Variants in HNRNPM observed in about 807,000 individuals in gnomAD.
HNRNPM encodes the protein heterogeneous nuclear ribonucleoprotein M, also known as CEA receptor.
HNRNPM carries 11 observed loss-of-function variants against 73.1 expected under a neutral mutation model. The observed-to-expected ratio is 0.15, with a 90% CI of 0.09 to 0.25. HNRNPM has a LOEUF of 0.25. Ranked by LOEUF, HNRNPM falls within the 10% of genes least tolerant of loss-of-function variation. The pLI is 1.00. For missense variants in HNRNPM, 789 were observed against 1,067.9 expected (o/e 0.74, Z 3.64); for synonymous variants, 407 against 355.2 (o/e 1.15, Z -1.64).
At chr19:8,454,568 ATT>A (rs1368514770) in intron 1 of HNRNPM, among the ~76,000 whole-genome samples, 2 of 151,654 alleles carry the variant, frequency 1.3e-5, no homozygotes, top group East Asian at 3.9e-4. Context: ...CCTGCTTTTA[ATT>A]CTTTTGGGTG....
intron 12 of HNRNPM, among the ~76,000 whole-genome samples, chr19:8,474,605 C>T (rs1220279679): frequency 6.6e-6 from 1 of 152,090 alleles, no homozygotes; most frequent in Non-Finnish European, 1.5e-5. Flanking sequence ...TGGTCATCTG[C>T]CCCAGCTACA....
chr19:8,450,112 A>T (rs780828724), intron 1 of HNRNPM, among the ~76,000 whole-genome samples: 2 of 152,174 alleles, frequency 1.3e-5, no homozygotes, highest in African/African-American at 2.4e-5. Context: ...TGGTGCTGTG[A>T]ATAGTGCTCT....
At chr19:8,475,364 C>CT (rs1970426626) in intron 12 of HNRNPM, among the ~76,000 whole-genome samples, 2 of 152,222 alleles carry the variant, frequency 1.3e-5, no homozygotes, top group Non-Finnish European at 2.9e-5. Context: ...ACTCTTTGAC[C>CT]TTCCCCTTCA....
rs1293182601 is a variant in HNRNPM at position 8,466,347 on chromosome 19, C to T, written c.743C>T (p.Thr248Ile). The T allele has an allele frequency of 6.2e-7, 1 of 1,614,114 alleles. No homozygotes were observed. Among genetic ancestry groups the T allele is most frequent in the Non-Finnish European group, 8.5e-7 (1 of 1,179,980 alleles). The change falls in exon 7 of 16, where the codon ACT (threonine) becomes ATT (isoleucine). Residue 248 changes from threonine to isoleucine, a missense_variant. Physicochemically the swap from Thr to Ile is moderately conservative, Grantham distance 89 (BLOSUM62 -1). This residue lies in a region of HNRNPM where 604 missense variants were observed against 744.0 expected (regional missense o/e 0.81). Coordinates refer to ENST00000325495, the MANE Select transcript of HNRNPM (RefSeq NM_005968.5). Reference protein sequence around the residue: ...DKDGKSRGIGTVTFEQSIEAV... With the variant: ...DKDGKSRGIGIVTFEQSIEAV... ...GATGGAAAAAGTCGTGGAATAGGCA[C>T]TGTTACTTTTGAACAGTCCATTGAA...
intron 12 of HNRNPM, among the ~76,000 whole-genome samples, chr19:8,479,772 A>AAAAT (rs1491516635): frequency 0.011 from 466 of 41,676 alleles, 8 homozygotes; most frequent in African/African-American, 0.039. Flanking sequence ...AAAAAAAAAA[A>AAAAT]TTTTTTTTTT....
intron 1 of HNRNPM, among the ~76,000 whole-genome samples, chr19:8,453,795 G>A (rs963520243): frequency 6.6e-5 from 10 of 152,268 alleles, no homozygotes; most frequent in African/African-American, 2.2e-4. Flanking sequence ...GAGGGGTTGC[G>A]CTTGAGCTGG....
intron 7 of HNRNPM, among the ~76,000 whole-genome samples, chr19:8,466,740 C>T (rs1175386917): frequency 4.9e-5 from 7 of 142,898 alleles, no homozygotes; most frequent in South Asian, 2.3e-4. Flanking sequence ...GCACAAGAAT[C>T]GCTTGAACCC....
At position 8,462,315 on chromosome 19, in the gene HNRNPM, G is replaced by A. The variant is rs1035976323; in HGVS notation, c.284-214G>A. 6 of 516,604 alleles carry A rather than the reference G, an allele frequency of 1.2e-5. No individual in the cohort carries two copies. The highest frequency in any genetic ancestry group is 1.8e-5 in the Non-Finnish European group (5 of 284,074). 32.0% of individuals were successfully genotyped at this position (516,604 alleles called of 1,614,324 possible). On this transcript the variant is annotated intron_variant, in intron 2 of 15. Coordinates refer to ENST00000325495, the MANE Select transcript of HNRNPM (RefSeq NM_005968.5). This position sits in a 1 kb window ranked among gnomAD's most constrained non-coding sequence, Gnocchi z 4.5. The stretch of plus-strand genomic sequence containing the variant: ...CTGTGGAATAGCTTGTTTGTGGTGG[G>A]AGGAAAATCAAGGACATATTGTTAA...
intron 15 of HNRNPM, chr19:8,487,481 G>A: frequency 4.8e-6 from 1 of 207,662 alleles, no homozygotes; most frequent in Non-Finnish European, 1.0e-5. Flanking sequence ...AGGTGCCATG[G>A]GGAGGCGGTG....
intron 2 of HNRNPM, among the ~76,000 whole-genome samples, chr19:8,460,501 T>G (rs1161248469): frequency 6.6e-6 from 1 of 152,210 alleles, no homozygotes; most frequent in Non-Finnish European, 1.5e-5. Flanking sequence ...AAGCAAATTT[T>G]TAATACAAAG....
chr19:8,461,351 T>TG (rs1299380426), intron 2 of HNRNPM, among the ~76,000 whole-genome samples: 1 of 152,234 alleles, frequency 6.6e-6, no homozygotes, highest in Admixed American at 6.5e-5. Flanking sequence ...ACAAAAGAGT[T>TG]GGAATAGGCA....
chr19:8,463,963 C>T (rs989434472), intron 5 of HNRNPM: 7 of 356,308 alleles, frequency 2.0e-5, no homozygotes, highest in Middle Eastern at 8.2e-4. Context: ...ACCATGAGCC[C>T]GTGGGTTTGT....
chr19:8,460,859 A>G (rs904542659), intron 2 of HNRNPM, among the ~76,000 whole-genome samples: 1 of 152,170 alleles, frequency 6.6e-6, no homozygotes, highest in Admixed American at 6.5e-5. Context: ...TGGCATTTTC[A>G]TCAAAGTGGA....
intron 1 of HNRNPM, among the ~76,000 whole-genome samples, chr19:8,449,388 G>A (rs1968454784): frequency 6.6e-6 from 1 of 152,174 alleles, no homozygotes; most frequent in Admixed American, 6.5e-5. Flanking sequence ...TGATTATGAT[G>A]CCTAGGTTTT....
At position 8,463,606 on chromosome 19, in the gene HNRNPM, A is replaced by C; in HGVS notation, c.358A>C (p.Lys120Gln). 1 of 1,613,962 alleles carries C rather than the reference A, an allele frequency of 6.2e-7. No individual in the cohort carries two copies. Among genetic ancestry groups the C allele is most frequent in the Non-Finnish European group, 8.5e-7 (1 of 1,179,846 alleles). Residue 120 changes from lysine (K) to glutamine (Q), a missense_variant, in exon 5 of 16, where the codon AAG becomes CAG. By Grantham distance (53) the Lys-to-Gln change is moderately conservative. Transcript: ENST00000325495. ...TTGACTCTATAGTGTTGTTGAATTC[A>C]AGATGGAAGAGAGCATGAAAAAAGC... is the stretch of plus-strand genomic sequence containing the variant. ...KSRGCAVVEF[K>Q]MEESMKKAAE...
intron 1 of HNRNPM, among the ~76,000 whole-genome samples, chr19:8,454,896 G>A (rs895693114): frequency 6.6e-6 from 1 of 152,046 alleles, no homozygotes; most frequent in African/African-American, 2.4e-5. Flanking sequence ...AGCCCAGGAA[G>A]GTGTACCTTT....
intron 12 of HNRNPM, chr19:8,481,346 G>T (rs1362702729): frequency 6.5e-6 from 1 of 152,884 alleles, no homozygotes; most frequent in Admixed American, 6.5e-5. Flanking sequence ...TCTGCTAGGG[G>T]GCTCAGCAGG....
intron 1 of HNRNPM, among the ~76,000 whole-genome samples, chr19:8,447,689 A>C (rs981713548): frequency 4.6e-5 from 7 of 152,136 alleles, no homozygotes; most frequent in African/African-American, 1.7e-4. Context: ...GTTCAAGACC[A>C]GCCTGGGCAA....
In HNRNPM at chr19:8,474,251, A is replaced by G; in HGVS notation, c.1120+7A>G. 6.4e-7 allele frequency: 1 copy of G among 1,570,278 alleles called. No homozygotes were observed. The highest frequency in any genetic ancestry group is 8.6e-7 in the Non-Finnish European group (1 of 1,159,768). On this transcript the variant is annotated splice_region_variant and intron_variant, in intron 12 of 15. Coordinates refer to ENST00000325495, the MANE Select transcript of HNRNPM (RefSeq NM_005968.5). ...AACATGGGCAGGATAAATGGTAAGC[A>G]TCGTGTTTTCTTCCTGCTTTCACTC...
Sources: gnomAD v4.1 joint callset for allele counts (sites outside exome capture counted in the v4.1 genomes callset) on GRCh38, gnomAD v4.1.1 for gene constraint, gnomAD v4.1.1 regional missense constraint, Gnocchi (gnomAD v3.1) non-coding constraint, MANE v1.5 for transcripts, NCBI Gene and HGNC (gene_info 2026-07-23, HGNC 2026-07-21) for gene names.